Variants in OCA2 observed in about 807,000 individuals in gnomAD.
The protein encoded by OCA2 is OCA2 melanosomal transmembrane protein.
OCA2 carries 77 observed loss-of-function variants against 100.2 expected under a neutral mutation model. That is an observed-to-expected ratio of 0.77 (90% confidence interval 0.64 to 0.93). The LOEUF (loss-of-function observed/expected upper bound fraction) is 0.93, where lower values mean the gene tolerates loss of function less well. Ranked by LOEUF, OCA2 falls within the 40% of genes least tolerant of loss-of-function variation. The probability of loss-of-function intolerance (pLI) is 0.00; values close to 1 mark genes in which losing one functional copy is unlikely to be tolerated. For synonymous variants in OCA2, 432 were observed against 439.2 expected (o/e 0.98, Z 0.21); for missense variants, 1,062 against 1,089.1 (o/e 0.98, Z 0.35).
chr15:27,834,363 GACCTC>G (rs1391551985), intron 23 of OCA2, among the ~76,000 whole-genome samples: 5 of 152,238 alleles, frequency 3.3e-5, no homozygotes, highest in Non-Finnish European at 7.3e-5. Flanking sequence ...CCCTGCCAGA[GACCTC>G]ACCTATGCAC....
Position 27,816,314 on chromosome 15 carries a change from C to T in OCA2, c.2432+28645G>A, listed in dbSNP as rs140618653. ...ACTCAGAATGTTCACGCAGAATCAT[C>T]GGGAAGTGTAAGGCTACGTCTTTCT... On this transcript the variant is annotated intron_variant, in intron 23 of 23. Transcript: ENST00000354638. Among the ~76,000 whole-genome samples the T allele has an allele frequency of 2.9e-3, 441 of 152,284 alleles. 1 individual carries two copies. The highest frequency in any genetic ancestry group is 9.9e-3 in the African/African-American group (411 of 41,562).
At chr15:28,070,434 G>T (rs1348989220) in intron 2 of OCA2, among the ~76,000 whole-genome samples, 8 of 127,236 alleles carry the variant, frequency 6.3e-5, no homozygotes, top group Non-Finnish European at 1.1e-4. Flanking sequence ...CGTCCGGGAG[G>T]GAGATGGGGG....
chr15:28,007,586 C>T (rs552100487), intron 9 of OCA2, among the ~76,000 whole-genome samples: 2 of 152,014 alleles, frequency 1.3e-5, no homozygotes, highest in South Asian at 2.1e-4. Flanking sequence ...AAAAATTAGC[C>T]GGGGGTGGTG....
chr15:28,070,048 C>T (rs1292850404), intron 2 of OCA2, among the ~76,000 whole-genome samples: 3 of 111,796 alleles, frequency 2.7e-5, no homozygotes, highest in Non-Finnish European at 4.7e-5. Context: ...GCGCCTCTGC[C>T]CCGCCGCCCC....
intron 2 of OCA2, among the ~76,000 whole-genome samples, chr15:28,080,612 G>A (rs1595924332): frequency 6.6e-6 from 1 of 152,358 alleles, no homozygotes; most frequent in East Asian, 1.9e-4. Flanking sequence ...GAGCGGGCAG[G>A]ATGACAGCAG....
At chr15:28,038,818 AAAC>A (rs2141440210) in intron 2 of OCA2, among the ~76,000 whole-genome samples, 1 of 152,346 alleles carries the variant, frequency 6.6e-6, no homozygotes, top group South Asian at 2.1e-4. Flanking sequence ...ATAAATAACT[AAAC>A]AAAATCAGTG....
chr15:27,922,696 T>A (rs1595653836), intron 19 of OCA2, among the ~76,000 whole-genome samples: 1 of 67,826 alleles, frequency 1.5e-5, no homozygotes, highest in Non-Finnish European at 3.9e-5. Flanking sequence ...TGTGTGTGTG[T>A]GTGTGTGTGT....
At chr15:27,821,313 C>G (rs936626213) in intron 23 of OCA2, among the ~76,000 whole-genome samples, 2 of 152,080 alleles carry the variant, frequency 1.3e-5, no homozygotes, top group Non-Finnish European at 2.9e-5. Flanking sequence ...CAGGCAAGTA[C>G]TTGTATAAGA....
chr15:27,749,940 T>C (rs536266321), downstream of OCA2, among the ~76,000 whole-genome samples: 129 of 152,374 alleles, frequency 8.5e-4, no homozygotes, highest in Admixed American at 1.5e-3. Context: ...GTGTGATTTC[T>C]ATCACATCAG....
intron 4 of OCA2, 149 bp downstream of exon 4, chr15:28,027,722 A>G (rs2042795752): frequency 1.2e-6 from 1 of 820,840 alleles, no homozygotes. Context: ...AGGTAAAAAT[A>G]AATCACCTTG....
chr15:27,967,264 G>A lies in OCA2; in HGVS notation c.1504-442C>T, dbSNP rs571871905. Among the ~76,000 whole-genome samples the A allele has an allele frequency of 9.8e-5, 15 of 152,312 alleles. No homozygotes were observed. In the East Asian group the frequency reaches 2.5e-3, roughly 26 times the overall value. Reference sequence around the variant, plus strand: ...CAGGAGTTCCAGGACCTTAGGCAGAGGTCCTGGAGCCCAACACAAAGCCCA... The same window carrying A: ...CAGGAGTTCCAGGACCTTAGGCAGAAGTCCTGGAGCCCAACACAAAGCCCA... On this transcript the variant is annotated intron_variant, in intron 14 of 23. Coordinates refer to ENST00000354638, the MANE Select transcript of OCA2 (RefSeq NM_000275.3).
At chr15:27,926,776 T>TA (rs2039058813) in intron 18 of OCA2, among the ~76,000 whole-genome samples, 1 of 151,756 alleles carries the variant, frequency 6.6e-6, no homozygotes, top group Non-Finnish European at 1.5e-5. Flanking sequence ...CCACACCCAG[T>TA]TAACTTTTTC....
intron 9 of OCA2, among the ~76,000 whole-genome samples, chr15:28,007,910 T>C (rs1238475444): frequency 2.6e-5 from 4 of 152,210 alleles, no homozygotes; most frequent in African/African-American, 9.6e-5. Context: ...TTTGTTCCCA[T>C]TCAGTCACTC....
At chr15:27,825,823 C>G (rs2034699067) in intron 23 of OCA2, among the ~76,000 whole-genome samples, 2 of 152,198 alleles carry the variant, frequency 1.3e-5, no homozygotes, top group South Asian at 4.1e-4. Flanking sequence ...ATGCCCCAGT[C>G]CCCATGGAAG....
intron 1 of OCA2, among the ~76,000 whole-genome samples, chr15:28,087,652 T>C (rs2044799872): frequency 1.3e-5 from 2 of 151,864 alleles, no homozygotes; most frequent in African/African-American, 4.8e-5. Flanking sequence ...GAGGCTGAGG[T>C]AGGAGAATCA....
rs1468899014 is a variant in OCA2, at chr15:27,926,712, C to T, written c.1952-458G>A. ...CTCACTGCAACCTCCACCTCCCAGG[C>T]TCAAGCTGGGGAGCCTCAGCTTCCC... On this transcript the variant is annotated intron_variant, in intron 18 of 23. Transcript: ENST00000354638. 2.6e-5 allele frequency among the ~76,000 whole-genome samples: 4 copies of T among 152,154 alleles called. No homozygotes were observed. The East Asian group carries it at 5.8e-4, about 22-fold the overall frequency.
chr15:28,004,506 C>T (rs145168147), intron 9 of OCA2, among the ~76,000 whole-genome samples: 28 of 152,276 alleles, frequency 1.8e-4, no homozygotes, highest in African/African-American at 5.8e-4. Context: ...CACAGTCACA[C>T]GCCCTCACCT....
intron 23 of OCA2, among the ~76,000 whole-genome samples, chr15:27,798,226 C>T (rs562083414): frequency 3.5e-4 from 54 of 152,306 alleles, no homozygotes; most frequent in African/African-American, 1.0e-3. Context: ...TATGACCAAT[C>T]GTCTTGCTTC....
At chr15:27,733,988 C>T in the OCA2 span, among the ~76,000 whole-genome samples, 4,953 of 151,502 alleles carry the variant, frequency 0.033, 173 homozygotes, top group African/African-American at 0.093. Context: ...GGTGAAACCC[C>T]GTCTCTACTA....
Sources: gnomAD v4.1 joint callset for allele counts (sites outside exome capture counted in the v4.1 genomes callset) on GRCh38, gnomAD v4.1.1 for gene constraint, MANE v1.5 for transcripts, NCBI Gene and HGNC (gene_info 2026-07-23, HGNC 2026-07-21) for gene names.